Variants in GRIA4 observed in about 807,000 individuals in gnomAD.
GRIA4 encodes the protein glutamate ionotropic receptor AMPA type subunit 4.
GRIA4 carries 34 observed loss-of-function variants against 104.0 expected under a neutral mutation model. That is an observed-to-expected ratio of 0.33 (90% CI 0.25 to 0.44). GRIA4 has a LOEUF of 0.44. Ranked by LOEUF, GRIA4 falls within the 20% of genes least tolerant of loss-of-function variation. The pLI is 1.00. For synonymous variants in GRIA4, 386 were observed against 381.9 expected, an observed-to-expected ratio of 1.01 and a Z score of -0.13; for missense variants, 750 against 1,096.5, an observed-to-expected ratio of 0.68 and a Z score of 4.46.
chr11:105,673,862 C>A lies in GRIA4; in HGVS notation c.247+61428C>A, dbSNP rs1217056257. On this transcript the variant is annotated intron_variant, in intron 3 of 16. Coordinates refer to ENST00000282499, the MANE Select transcript of GRIA4 (RefSeq NM_000829.4). ...CTTAGAAATTTTATCATTGATAAGA[C>A]TATTTCTAAAAATTAGCCATATCAA... 2.0e-5 allele frequency among the ~76,000 whole-genome samples: 3 copies of A among 151,850 alleles called. 1 individual carries two copies. Among genetic ancestry groups the A allele is most frequent in the Non-Finnish European group, 4.4e-5 (3 of 67,926 alleles).
At chr11:105,978,945 T>C (rs1859133065) in intron 16 of GRIA4, among the ~76,000 whole-genome samples, 1 of 152,174 alleles carries the variant, frequency 6.6e-6, no homozygotes, top group South Asian at 2.1e-4. Context: ...TTGAAACATA[T>C]CCCTTTTCAG....
rs1565350832 is a variant in GRIA4, at chr11:105,933,079, A to T, written c.2047-643A>T. 4.0e-5 allele frequency among the ~76,000 whole-genome samples: 6 copies of T among 151,746 alleles called. No individual in the cohort carries two copies. In the South Asian group the frequency reaches 8.3e-4, roughly 21 times the overall value. On this transcript the variant is annotated intron_variant, in intron 13 of 16. Coordinates refer to ENST00000282499, the MANE Select transcript of GRIA4 (RefSeq NM_000829.4). ...CATAACAAGATCCCATCTTTAAAAAAATTTTTTTTTTAATTAGTTGGACAT... is the reference window on the plus strand; with the variant it reads ...CATAACAAGATCCCATCTTTAAAAATATTTTTTTTTTAATTAGTTGGACAT...
chr11:105,834,765 A>G (rs1944113949), intron 4 of GRIA4, among the ~76,000 whole-genome samples: 1 of 143,948 alleles, frequency 6.9e-6, no homozygotes, highest in African/African-American at 2.6e-5. Flanking sequence ...CAATAAGTTC[A>G]GTTCCCTGTG....
intron 14 of GRIA4, among the ~76,000 whole-genome samples, chr11:105,963,807 T>A (rs1334068692): frequency 6.6e-6 from 1 of 152,168 alleles, no homozygotes; most frequent in East Asian, 1.9e-4. Flanking sequence ...CTTTTTAGTT[T>A]TCTATTGTGC....
chr11:105,950,225 A>C (rs1051466466), intron 14 of GRIA4, among the ~76,000 whole-genome samples: 1 of 152,162 alleles, frequency 6.6e-6, no homozygotes, highest in Non-Finnish European at 1.5e-5. Context: ...AAGCCAGTGG[A>C]TCTGGTCTTG....
chr11:105,786,080 G>A (rs1329751712), intron 4 of GRIA4, among the ~76,000 whole-genome samples: 1 of 150,082 alleles, frequency 6.7e-6, no homozygotes, highest in Non-Finnish European at 1.5e-5. Context: ...GGGAGGTGGA[G>A]GTGGCAGTGA....
intron 3 of GRIA4, among the ~76,000 whole-genome samples, chr11:105,626,357 A>T (rs1591460212): frequency 6.6e-6 from 1 of 152,140 alleles, no homozygotes; most frequent in East Asian, 1.9e-4. Context: ...ATAAATAAAT[A>T]AGCCCAGTAA....
At chr11:105,878,035 A>T (rs1945899612) in intron 5 of GRIA4, among the ~76,000 whole-genome samples, 2 of 152,158 alleles carry the variant, frequency 1.3e-5, no homozygotes, top group South Asian at 4.1e-4. Context: ...GTTTTTCCTC[A>T]TCTTCATGGA....
At chr11:105,908,429 T>G (rs913806793) in intron 9 of GRIA4, among the ~76,000 whole-genome samples, 1 of 152,138 alleles carries the variant, frequency 6.6e-6, no homozygotes, top group Non-Finnish European at 1.5e-5. Flanking sequence ...AGAGAGAAAT[T>G]CCATCTTCTG....
chr11:105,823,466 C>A (rs1031799738), intron 4 of GRIA4, among the ~76,000 whole-genome samples: 1 of 152,016 alleles, frequency 6.6e-6, no homozygotes, highest in African/African-American at 2.4e-5. Flanking sequence ...GCTTGAAGAA[C>A]TGCTGATGGG....
intron 13 of GRIA4, among the ~76,000 whole-genome samples, chr11:105,930,857 G>A (rs567784727): frequency 8.6e-5 from 13 of 152,024 alleles, no homozygotes; most frequent in Admixed American, 7.2e-4. Flanking sequence ...TTTCTATGTC[G>A]TGTACATAGT....
At chr11:105,670,487 G>C (rs1952324464) in intron 3 of GRIA4, among the ~76,000 whole-genome samples, 1 of 152,094 alleles carries the variant, frequency 6.6e-6, no homozygotes, top group Admixed American at 6.6e-5. Context: ...AGATGATCTA[G>C]ATCTATTTTA....
chr11:105,769,354 C>T (rs1156446926), intron 4 of GRIA4, among the ~76,000 whole-genome samples: 2 of 151,966 alleles, frequency 1.3e-5, no homozygotes, highest in Non-Finnish European at 2.9e-5. Context: ...AATATTTGGG[C>T]TGAGTAGATC....
chr11:105,876,414 T>C lies in GRIA4; in HGVS notation c.673-11105T>C, dbSNP rs148765216. Among the ~76,000 whole-genome samples the C allele has an allele frequency of 4.6e-3, 700 of 152,338 alleles. 10 individuals carry two copies. The highest frequency in any genetic ancestry group is 0.016 in the African/African-American group (668 of 41,582). On this transcript the variant is annotated intron_variant, in intron 5 of 16. Transcript: ENST00000282499. ...TGTTGATTTGGGGTGGAGAGTTCTG[T>C]AGATGTCTATTAGGTCCACTTGATC... is the stretch of plus-strand genomic sequence containing the variant.
intron 3 of GRIA4, among the ~76,000 whole-genome samples, chr11:105,680,975 G>C (rs1031846343): frequency 1.3e-5 from 2 of 152,084 alleles, no homozygotes; most frequent in Admixed American, 6.6e-5. Flanking sequence ...AGTGAATTCC[G>C]TGTGGACTGG....
intron 4 of GRIA4, chr11:105,824,823 G>C (rs1943707936): frequency 2.0e-5 from 3 of 152,104 alleles, no homozygotes; most frequent in Non-Finnish European, 4.4e-5. Context: ...TACAGCCGGA[G>C]ATACTTAAGG....
intron 3 of GRIA4, among the ~76,000 whole-genome samples, chr11:105,626,984 TA>T (rs1950902282): frequency 6.6e-6 from 1 of 152,178 alleles, no homozygotes; most frequent in Non-Finnish European, 1.5e-5. Context: ...CAGGTAAAGA[TA>T]GGTGCATTGT....
intron 3 of GRIA4, among the ~76,000 whole-genome samples, chr11:105,673,789 A>C (rs1952449302): frequency 6.6e-6 from 1 of 151,986 alleles, no homozygotes; most frequent in Non-Finnish European, 1.5e-5. Flanking sequence ...TAATAAATTA[A>C]AAATAAATAA....
intron 3 of GRIA4, among the ~76,000 whole-genome samples, chr11:105,648,988 C>T (rs1271166067): frequency 6.6e-6 from 1 of 152,156 alleles, no homozygotes; most frequent in African/African-American, 2.4e-5. Flanking sequence ...CATCTGGGTC[C>T]ATTGCTCATC....
Sources: allele counts gnomAD v4.1 joint callset (sites outside exome capture counted in the v4.1 genomes callset), GRCh38; gene constraint gnomAD v4.1.1; transcripts MANE v1.5; gene names NCBI Gene and HGNC (gene_info 2026-07-23, HGNC 2026-07-21).